The following ATP8A2 variants were observed in gnomAD, a reference collection of about 807,000 sequenced individuals.
ATP8A2 encodes phospholipid-transporting ATPase IB.
A neutral mutation model predicts 165.6 loss-of-function variants in ATP8A2; 100 were observed. That is an observed-to-expected ratio of 0.60 (90% CI 0.51 to 0.71). The LOEUF is 0.71. Among genes scored for constraint, ATP8A2 ranks in the 30% least tolerant of loss-of-function variants. The pLI, the probability that ATP8A2 is intolerant of heterozygous loss-of-function variation, is 0.00. For missense variants in ATP8A2, 1,227 were observed against 1,479.5 expected (o/e 0.83, Z 2.80); for synonymous variants, 543 against 548.8 (o/e 0.99, Z 0.15).
chr13:25,425,408 CATAAATTT>C (rs2034417524), intron 1 of ATP8A2, among the ~76,000 whole-genome samples: 1 of 150,096 alleles, frequency 6.7e-6, no homozygotes, highest in Non-Finnish European at 1.5e-5. Context: ...TGCAAGACGT[CATAAATTT>C]GAAATCATAT....
At chr13:25,780,428 GAGATGCATATTTAGCAGGA>G (rs973254162) in intron 27 of ATP8A2, among the ~76,000 whole-genome samples, 1 of 152,140 alleles carries the variant, frequency 6.6e-6, no homozygotes, top group African/African-American at 2.4e-5. Context: ...GCCAGGAAAT[GAGATGCATATTTAGCAGGA>G]AGGTCTGGAA....
At chr13:25,568,827 A>G (rs1026935907) in intron 16 of ATP8A2, among the ~76,000 whole-genome samples, 12 of 152,206 alleles carry the variant, frequency 7.9e-5, no homozygotes, top group Non-Finnish European at 5.9e-5. Context: ...ATACATATAT[A>G]CACACATGAA....
At chr13:26,006,184 A>G (rs902749798) in intron 35 of ATP8A2, among the ~76,000 whole-genome samples, 5 of 151,956 alleles carry the variant, frequency 3.3e-5, no homozygotes, top group African/African-American at 1.2e-4. Context: ...GATGTCTTTA[A>G]TGTTTTCAGA....
chr13:25,552,442 A>C (rs918055471), intron 11 of ATP8A2, among the ~76,000 whole-genome samples: 1 of 152,176 alleles, frequency 6.6e-6, no homozygotes, highest in Non-Finnish European at 1.5e-5. Flanking sequence ...TCTGTATATA[A>C]GTTCAACAAT....
At chr13:25,545,035 A>T (rs1035264350) in intron 10 of ATP8A2, among the ~76,000 whole-genome samples, 1 of 151,074 alleles carries the variant, frequency 6.6e-6, no homozygotes, top group African/African-American at 2.4e-5. Flanking sequence ...CTACTGGCGC[A>T]CCGTCTGCTT....
intron 33 of ATP8A2, among the ~76,000 whole-genome samples, chr13:25,909,234 A>G (rs544204784): frequency 1.3e-5 from 2 of 152,310 alleles, no homozygotes; most frequent in South Asian, 2.1e-4. Context: ...ACTCTAGTCA[A>G]CAAGGTATTA....
chr13:25,717,758 G>T (rs557232537), intron 25 of ATP8A2, among the ~76,000 whole-genome samples: 1 of 152,158 alleles, frequency 6.6e-6, no homozygotes, highest in South Asian at 2.1e-4. Context: ...TTTCCTTTTC[G>T]AGAGATCAAC....
intron 25 of ATP8A2, among the ~76,000 whole-genome samples, chr13:25,711,563 T>G (rs535794955): frequency 1.8e-5 from 2 of 109,500 alleles, no homozygotes; most frequent in African/African-American, 6.2e-5. Context: ...AAAAAAAAAA[T>G]TTTTTTTAAA....
At chr13:25,593,093 A>G (rs994296648) in intron 24 of ATP8A2, among the ~76,000 whole-genome samples, 1 of 152,018 alleles carries the variant, frequency 6.6e-6, no homozygotes, top group African/African-American at 2.4e-5. Context: ...AACCATTCCT[A>G]TTCTTATTAA....
chr13:25,436,171 G>A (rs1183681430), intron 1 of ATP8A2, among the ~76,000 whole-genome samples: 7 of 151,872 alleles, frequency 4.6e-5, no homozygotes, highest in African/African-American at 1.2e-4. Context: ...CTGTCACATG[G>A]GAACAGTGTG....
At chr13:25,758,955 G>A (rs2044322024) in intron 25 of ATP8A2, among the ~76,000 whole-genome samples, 1 of 151,606 alleles carries the variant, frequency 6.6e-6, no homozygotes, top group Non-Finnish European at 1.5e-5. Context: ...TCCCACCCAA[G>A]AAATTCCACT....
intron 24 of ATP8A2, among the ~76,000 whole-genome samples, chr13:25,632,533 A>G (rs1410801131): frequency 6.6e-6 from 1 of 152,168 alleles, no homozygotes; most frequent in Admixed American, 6.5e-5. Context: ...AGGGATGAAG[A>G]GCAAATACAT....
chr13:25,921,789 G>A (rs1954466817), intron 33 of ATP8A2, among the ~76,000 whole-genome samples: 1 of 152,162 alleles, frequency 6.6e-6, no homozygotes, highest in Non-Finnish European at 1.5e-5. Flanking sequence ...AATATTTATG[G>A]TTTGAAGTAT....
In ATP8A2 at chr13:25,468,998, G is replaced by C. The variant is rs1277213086; in HGVS notation, c.98G>C (p.Gly33Ala). 8.7e-6 allele frequency: 14 copies of C among 1,614,030 alleles called. No homozygotes were observed. The highest frequency in any genetic ancestry group is 1.1e-5 in the Non-Finnish European group (13 of 1,179,888). ...SSVGPVRSSL[G>A]YKKAEDEMSR... ...GCAGGACCTGTTCGTTCTTCTTTGGGCTATAAGAAGGCAGAGGATGAGATG... is the reference window on the plus strand; with the variant it reads ...GCAGGACCTGTTCGTTCTTCTTTGGCCTATAAGAAGGCAGAGGATGAGATG... Residue 33 changes from glycine to alanine, a missense_variant, in exon 2 of 37, where the codon GGC (glycine) becomes GCC (alanine). By Grantham distance (60) the Gly-to-Ala change is moderately conservative (BLOSUM62 0). Transcript: ENST00000381655.
chr13:25,979,149 TC>T (rs1956128295), intron 35 of ATP8A2, among the ~76,000 whole-genome samples: 1 of 151,952 alleles, frequency 6.6e-6, no homozygotes, highest in South Asian at 2.1e-4. Flanking sequence ...CCAGTCAAGG[TC>T]CAGTTAGGTC....
chr13:25,408,342 G>A (rs1161834855), intron 1 of ATP8A2, among the ~76,000 whole-genome samples: 2 of 151,614 alleles, frequency 1.3e-5, no homozygotes, highest in African/African-American at 2.4e-5. Flanking sequence ...GCAGTGAGCC[G>A]AGATTGTGCC....
chr13:25,737,196 C>T (rs192500859), intron 25 of ATP8A2, among the ~76,000 whole-genome samples: 1 of 152,320 alleles, frequency 6.6e-6, no homozygotes, highest in Admixed American at 6.5e-5. Context: ...GCTATATTTA[C>T]TTCACTTTTA....
intron 36 of ATP8A2, among the ~76,000 whole-genome samples, chr13:26,016,038 A>T (rs868825310): frequency 6.6e-6 from 1 of 152,218 alleles, no homozygotes; most frequent in Non-Finnish European, 1.5e-5. Context: ...CTCCCATGAC[A>T]GCTCTAACTC....
intron 24 of ATP8A2, among the ~76,000 whole-genome samples, chr13:25,637,309 G>T (rs181502092): frequency 1.3e-5 from 2 of 152,186 alleles, no homozygotes; most frequent in African/African-American, 4.8e-5. Context: ...GCAGGGCGAG[G>T]CATCACCTCA....
Sources: allele counts gnomAD v4.1 joint callset (sites outside exome capture counted in the v4.1 genomes callset), GRCh38; gene constraint gnomAD v4.1.1; transcripts MANE v1.5; gene names NCBI Gene and HGNC (gene_info 2026-07-23, HGNC 2026-07-21).